The following FSTL5 variants were observed in gnomAD, a reference collection of about 807,000 sequenced individuals.
FSTL5 encodes follistatin like 5.
FSTL5 carries 62 observed loss-of-function variants against 89.1 expected under a neutral mutation model. The observed-to-expected ratio is 0.70, with a 90% CI of 0.57 to 0.86. The LOEUF (loss-of-function observed/expected upper bound fraction) is 0.86. Ranked by LOEUF, FSTL5 falls within the 40% of genes least tolerant of loss-of-function variation. FSTL5 has a pLI of 0.00. For synonymous variants in FSTL5, 383 were observed against 346.2 expected (o/e 1.11, Z -1.18); for missense variants, 1,057 against 1,001.6 (o/e 1.06, Z -0.75).
At chr4:162,038,013 C>T (rs1211399957) in intron 2 of FSTL5, among the ~76,000 whole-genome samples, 3 of 151,852 alleles carry the variant, frequency 2.0e-5, no homozygotes, top group East Asian at 1.9e-4. Context: ...TGAGAACTCA[C>T]GAGTGACCAG....
intron 15 of FSTL5, among the ~76,000 whole-genome samples, chr4:161,401,691 A>AT (rs1160256484): frequency 2.0e-5 from 3 of 151,570 alleles, no homozygotes; most frequent in South Asian, 2.1e-4. Flanking sequence ...TGCCCGGCTA[A>AT]TTTTTTTTGT....
At chr4:161,563,728 T>C (rs1359559076) in intron 8 of FSTL5, among the ~76,000 whole-genome samples, 2 of 151,962 alleles carry the variant, frequency 1.3e-5, no homozygotes, top group African/African-American at 4.8e-5. Context: ...TCCCCAACAA[T>C]TTGGCCAGAA....
chr4:162,089,654 A>AG (rs1255406175), intron 2 of FSTL5, among the ~76,000 whole-genome samples: 5 of 127,360 alleles, frequency 3.9e-5, no homozygotes, highest in East Asian at 3.0e-4. Context: ...AAAAAAAGAA[A>AG]AAAAAGAAAG....
intron 7 of FSTL5, among the ~76,000 whole-genome samples, chr4:161,630,371 C>CT (rs1251971487): frequency 2.6e-5 from 4 of 152,204 alleles, no homozygotes; most frequent in Admixed American, 6.5e-5. Flanking sequence ...TTTCTATCAG[C>CT]TACTATGGCA....
chr4:161,582,835 T>C (rs1733481672), intron 8 of FSTL5, among the ~76,000 whole-genome samples: 1 of 152,120 alleles, frequency 6.6e-6, no homozygotes. Flanking sequence ...GCCATGTCTT[T>C]GCATTTAGGG....
chr4:162,042,106 C>G (rs1982740), intron 2 of FSTL5: 1 of 151,650 alleles, frequency 6.6e-6, no homozygotes, highest in Non-Finnish European at 1.5e-5. Context: ...GCCGAGATCA[C>G]GCCATTGCAT....
At chr4:161,992,280 T>G (rs769897414) in intron 3 of FSTL5, among the ~76,000 whole-genome samples, 1 of 152,058 alleles carries the variant, frequency 6.6e-6, no homozygotes, top group Non-Finnish European at 1.5e-5. Context: ...AAAAGGAAAC[T>G]ACATGGGATA....
chr4:161,600,176 C>CACACACACACAT lies in FSTL5; in HGVS notation c.895-12602_895-12601insATGTGTGTGTGT, dbSNP rs968865877. Among the ~76,000 whole-genome samples the CACACACACACAT allele has an allele frequency of 3.4e-4, 51 of 151,500 alleles. 1 individual carries two copies. In the South Asian group the frequency reaches 6.9e-3, roughly 20 times the overall value. ...GTCAATAAACACACACACACACACACACACACACACACACACACACACAAA... is the reference window on the plus strand; with the variant it reads ...GTCAATAAACACACACACACACACACACACACACACATACACACACACACACACACACACAAA... On this transcript the variant is annotated intron_variant, in intron 7 of 15. Transcript: ENST00000306100.
chr4:162,065,170 G>GA (rs1229428711), intron 2 of FSTL5, among the ~76,000 whole-genome samples: 3 of 151,938 alleles, frequency 2.0e-5, no homozygotes, highest in South Asian at 2.1e-4. Context: ...CAAAAGCTTA[G>GA]AAAAAATCTC....
intron 4 of FSTL5, among the ~76,000 whole-genome samples, chr4:161,812,603 A>G (rs1450146548): frequency 6.6e-6 from 1 of 152,096 alleles, no homozygotes; most frequent in African/African-American, 2.4e-5. Flanking sequence ...TGAGGCTTTA[A>G]AGTAGTGTTT....
intron 11 of FSTL5, among the ~76,000 whole-genome samples, chr4:161,502,061 A>T (rs1191238312): frequency 6.6e-6 from 1 of 152,028 alleles, no homozygotes; most frequent in Non-Finnish European, 1.5e-5. Context: ...AGTGAATATG[A>T]CTACCCTTCT....
rs1304721396 is a variant in FSTL5, at chr4:161,407,586, A to G, written c.1842-21137T>C. ...AGGGACCCCATACCCCCACAGACCT[A>G]TGAGCTGGCAAGGGGATCTCCCTGG... On this transcript the variant is annotated intron_variant, in intron 15 of 15. Transcript: ENST00000306100. Among the ~76,000 whole-genome samples, 8 of 135,050 alleles carry G rather than the reference A, an allele frequency of 5.9e-5. 1 individual carries two copies. The East Asian group carries it at 1.2e-3, about 21-fold the overall frequency. 88.6% of individuals were successfully genotyped at this position (135,050 alleles called of 152,430 possible).
In FSTL5 at chr4:161,775,911, A is replaced by T. The variant is rs558182551; in HGVS notation, c.573T>A (p.Ser191Arg). 6.2e-5 allele frequency: 99 copies of T among 1,595,188 alleles called. 1 individual carries two copies. The Admixed American group carries it at 1.5e-3, about 24-fold the overall frequency. ...GTTCATTAATATCTACAAGTCCATT[A>T]CTGTCTGCATCAAAATATTTAAACA... ...DQMFKYFDAD[S>R]NGLVDINELT... The change falls in exon 5 of 16, where the codon AGT becomes AGA. Residue 191 changes from serine (S) to arginine (R), a missense_variant. Coordinates refer to ENST00000306100, the MANE Select transcript of FSTL5 (RefSeq NM_020116.5).
chr4:161,556,172 A>G (rs1732384465), intron 8 of FSTL5, among the ~76,000 whole-genome samples: 1 of 151,608 alleles, frequency 6.6e-6, no homozygotes, highest in African/African-American at 2.4e-5. Context: ...TCACATTTGC[A>G]CCTCAATAGT....
chr4:161,531,556 A>T (rs1291825801), intron 10 of FSTL5, among the ~76,000 whole-genome samples: 1 of 152,238 alleles, frequency 6.6e-6, no homozygotes, highest in African/African-American at 2.4e-5. Context: ...TCTCAAATAT[A>T]TAATAGAAGT....
At chr4:161,855,829 T>G (rs1202126889) in intron 4 of FSTL5, among the ~76,000 whole-genome samples, 1 of 152,126 alleles carries the variant, frequency 6.6e-6, no homozygotes, top group South Asian at 2.1e-4. Context: ...ACTGGACATT[T>G]TTTCCAACCT....
chr4:161,691,030 A>T (rs1200650470), intron 6 of FSTL5, among the ~76,000 whole-genome samples: 1 of 152,028 alleles, frequency 6.6e-6, no homozygotes, highest in Non-Finnish European at 1.5e-5. Flanking sequence ...TATGTACCAC[A>T]TTTTCTTTAC....
At chr4:161,534,738 T>G (rs1227948190) in intron 10 of FSTL5, among the ~76,000 whole-genome samples, 1 of 152,002 alleles carries the variant, frequency 6.6e-6, no homozygotes, top group East Asian at 1.9e-4. Context: ...TCAAATTCAT[T>G]TGGAACCAAA....
At chr4:162,075,061 G>A (rs1341794422) in intron 2 of FSTL5, among the ~76,000 whole-genome samples, 1 of 151,710 alleles carries the variant, frequency 6.6e-6, no homozygotes, top group Admixed American at 6.6e-5. Context: ...TAAATATGCA[G>A]TATCTGTGCC....
Sources: gnomAD v4.1 joint callset for allele counts (sites outside exome capture counted in the v4.1 genomes callset) on GRCh38, gnomAD v4.1.1 for gene constraint, MANE v1.5 for transcripts, NCBI Gene and HGNC (gene_info 2026-07-23, HGNC 2026-07-21) for gene names.